GDPD4: variants seen among roughly 807,000 people sequenced by gnomAD.
The protein encoded by GDPD4 is glycerophosphodiester phosphodiesterase 6.
In GDPD4, 60 loss-of-function variants were observed where a neutral mutation model predicts 67.8. That is an observed-to-expected ratio of 0.88 (90% CI 0.72 to 1.10). The LOEUF (loss-of-function observed/expected upper bound fraction) is 1.10. Among genes scored for constraint, GDPD4 ranks in the 50% least tolerant of loss-of-function variants. The pLI is 0.00. For missense variants in GDPD4, 623 were observed against 613.9 expected, an observed-to-expected ratio of 1.01 and a Z score of -0.16; for synonymous variants, 212 against 210.9, an observed-to-expected ratio of 1.00 and a Z score of -0.04.
intron 13 of GDPD4, among the ~76,000 whole-genome samples, chr11:77,242,911 T>C (rs1254961689): frequency 7.4e-6 from 1 of 134,362 alleles, no homozygotes; most frequent in East Asian, 2.1e-4. Flanking sequence ...CAAAGGAGAC[T>C]TTGGATATCT....
intron 11 of GDPD4, among the ~76,000 whole-genome samples, chr11:77,253,402 G>A (rs1958944186): frequency 6.6e-6 from 1 of 152,160 alleles, no homozygotes; most frequent in Non-Finnish European, 1.5e-5. Flanking sequence ...CAGCAGCCAA[G>A]TACCCCAGTA....
intron 11 of GDPD4, among the ~76,000 whole-genome samples, chr11:77,251,296 A>G (rs985658733): frequency 6.6e-6 from 1 of 151,678 alleles, no homozygotes; most frequent in East Asian, 1.9e-4. Context: ...TCCTTTGCCT[A>G]TCTGCTCTAT....
At chr11:77,276,905 C>G (rs1371374777) in intron 4 of GDPD4, among the ~76,000 whole-genome samples, 5 of 151,748 alleles carry the variant, frequency 3.3e-5, no homozygotes, top group African/African-American at 7.3e-5. Flanking sequence ...TAAATATTAT[C>G]ATTCTTATTT....
At chr11:77,260,757 T>C (rs940570655) in intron 10 of GDPD4, among the ~76,000 whole-genome samples, 6 of 152,028 alleles carry the variant, frequency 3.9e-5, no homozygotes, top group Non-Finnish European at 5.9e-5. Context: ...ATATAATAAC[T>C]GAAATGAAAA....
chr11:77,263,182 A>G (rs925599864), intron 10 of GDPD4, among the ~76,000 whole-genome samples: 25 of 152,172 alleles, frequency 1.6e-4, no homozygotes, highest in African/African-American at 6.0e-4. Context: ...GATCTACACA[A>G]AAGAATAGTG....
chr11:77,274,075 C>T (rs921523949), intron 5 of GDPD4, among the ~76,000 whole-genome samples: 3 of 152,192 alleles, frequency 2.0e-5, no homozygotes, highest in African/African-American at 7.2e-5. Context: ...AGACACTAAC[C>T]TGGAATGGTA....
chr11:77,264,379 T>C (rs1175175700), intron 10 of GDPD4, among the ~76,000 whole-genome samples: 1 of 152,096 alleles, frequency 6.6e-6, no homozygotes, highest in Non-Finnish European at 1.5e-5. Context: ...GGGGTGAACT[T>C]GGGGTAGGGA....
At chr11:77,269,706 C>T (rs1959197144) in intron 8 of GDPD4, among the ~76,000 whole-genome samples, 177 bp downstream of exon 8, 2 of 152,008 alleles carry the variant, frequency 1.3e-5, no homozygotes, top group South Asian at 4.2e-4. Flanking sequence ...CCTTCCCTCC[C>T]TCTCCCTCTA....
chr11:77,295,547 A>G (rs1489197175), intron 1 of GDPD4, among the ~76,000 whole-genome samples: 1 of 151,854 alleles, frequency 6.6e-6, no homozygotes, highest in South Asian at 2.1e-4. Flanking sequence ...CAAGAGGATC[A>G]CTTGAGCTGG....
intron 10 of GDPD4, among the ~76,000 whole-genome samples, chr11:77,265,959 G>A (rs1197178584): frequency 1.3e-5 from 2 of 152,070 alleles, no homozygotes; most frequent in East Asian, 3.9e-4. Flanking sequence ...CTCCCATGAG[G>A]TCCATCCAAA....
chr11:77,261,562 C>G (rs781324551), intron 10 of GDPD4, among the ~76,000 whole-genome samples: 11 of 152,184 alleles, frequency 7.2e-5, no homozygotes, highest in African/African-American at 2.4e-4. Context: ...GACACCTCAA[C>G]TGACTGCCCT....
intron 3 of GDPD4, among the ~76,000 whole-genome samples, chr11:77,284,152 A>G (rs978663390): frequency 6.6e-6 from 1 of 152,230 alleles, no homozygotes; most frequent in Admixed American, 6.5e-5. Context: ...TAAAAACAAG[A>G]AAATTGGACA....
intron 13 of GDPD4, among the ~76,000 whole-genome samples, chr11:77,240,294 A>G (rs528956410): frequency 6.6e-6 from 1 of 152,342 alleles, no homozygotes; most frequent in African/African-American, 2.4e-5. Flanking sequence ...AAACAGACAC[A>G]TACCAGTGGA....
intron 1 of GDPD4, among the ~76,000 whole-genome samples, chr11:77,288,048 C>T (rs973387976): frequency 1.3e-5 from 2 of 152,176 alleles, no homozygotes; most frequent in African/African-American, 4.8e-5. Flanking sequence ...CCTACCACAA[C>T]CTGCACCTGT....
At chr11:77,256,127 T>G (rs1322831737) in intron 11 of GDPD4, among the ~76,000 whole-genome samples, 1 of 152,200 alleles carries the variant, frequency 6.6e-6, no homozygotes, top group African/African-American at 2.4e-5. Context: ...CCATCAAACA[T>G]CTCAGCCTGA....
In GDPD4 at chr11:77,285,060, TG is replaced by T. The variant is rs760398413; in HGVS notation, c.53+24del. ...TCAGACCAAAATACCCTTACACAAA[TG>T]AAACTACAAAAAGTGAAACTCACCA... On this transcript the variant is annotated intron_variant, in intron 3 of 16. Coordinates refer to ENST00000315938, the MANE Select transcript of GDPD4 (RefSeq NM_182833.3). The T allele has an allele frequency of 3.8e-6, 6 of 1,575,412 alleles. No individual in the cohort carries two copies. In the Admixed American group the frequency reaches 1.0e-4, roughly 26 times the overall value.
intron 1 of GDPD4, among the ~76,000 whole-genome samples, chr11:77,297,876 T>C (rs1938029448): frequency 1.3e-5 from 2 of 152,202 alleles, no homozygotes; most frequent in Admixed American, 6.5e-5. Context: ...AAAGCTATCA[T>C]TGATAAGATT....
intron 5 of GDPD4, among the ~76,000 whole-genome samples, chr11:77,275,005 T>G (rs956451065): frequency 1.3e-5 from 2 of 152,096 alleles, no homozygotes; most frequent in Admixed American, 6.6e-5. Flanking sequence ...TAGCAATAAT[T>G]TATAATATAA....
intron 13 of GDPD4, among the ~76,000 whole-genome samples, chr11:77,236,966 G>T (rs749938831): frequency 2.6e-5 from 4 of 152,092 alleles, no homozygotes; most frequent in Non-Finnish European, 5.9e-5. Flanking sequence ...ATATTTACCA[G>T]GAAGAGTAGC....
Sources: allele counts gnomAD v4.1 joint callset (sites outside exome capture counted in the v4.1 genomes callset), GRCh38; gene constraint gnomAD v4.1.1; transcripts MANE v1.5; gene names NCBI Gene and HGNC (gene_info 2026-07-23, HGNC 2026-07-21).